Variants in FTO observed in about 807,000 individuals in gnomAD.
FTO encodes the protein FTO alpha-ketoglutarate dependent dioxygenase.
In FTO, 47 loss-of-function variants were observed where a neutral mutation model predicts 63.9. The observed-to-expected ratio is 0.74, with a 90% CI of 0.58 to 0.94. The LOEUF is 0.94. Ranked by LOEUF, FTO falls within the 40% of genes least tolerant of loss-of-function variation. FTO has a pLI of 0.00. For synonymous variants in FTO, 207 were observed against 224.4 expected (o/e 0.92, Z 0.69); for missense variants, 562 against 618.1 (o/e 0.91, Z 0.96).
intron 7 of FTO, among the ~76,000 whole-genome samples, chr16:53,899,936 C>T (rs562634709): frequency 6.6e-5 from 10 of 152,294 alleles, no homozygotes; most frequent in Admixed American, 2.0e-4. Flanking sequence ...TAGGTAAAGT[C>T]GGAAGATTGA....
chr16:53,951,204 C>G (rs1424877476), intron 8 of FTO, among the ~76,000 whole-genome samples: 1 of 151,972 alleles, frequency 6.6e-6, no homozygotes, highest in African/African-American at 2.4e-5. Flanking sequence ...CACTTTTTTT[C>G]TTTCACAAGG....
At chr16:53,934,163 T>A in intron 8 of FTO, 54 bp downstream of exon 8, 1 of 1,605,644 alleles carries the variant, frequency 6.2e-7, no homozygotes. Flanking sequence ...AGAACTATAT[T>A]TGGCCAAGCC....
intron 8 of FTO, among the ~76,000 whole-genome samples, chr16:53,984,581 A>G (rs1427750335): frequency 2.0e-5 from 3 of 151,916 alleles, no homozygotes; most frequent in African/African-American, 7.2e-5. Context: ...CCAACCTCCC[A>G]AAGTATTGGG....
At chr16:53,726,727 T>C (rs1328032118) in intron 1 of FTO, among the ~76,000 whole-genome samples, 1 of 152,238 alleles carries the variant, frequency 6.6e-6, no homozygotes, top group East Asian at 1.9e-4. Flanking sequence ...CAGCCACTCC[T>C]TGCTGCTTCA....
chr16:53,926,561 C>T (rs561313959), intron 7 of FTO, among the ~76,000 whole-genome samples: 5 of 152,238 alleles, frequency 3.3e-5, no homozygotes, highest in South Asian at 2.1e-4. Context: ...CAATGGAGTA[C>T]GACATGGTGG....
intron 7 of FTO, among the ~76,000 whole-genome samples, chr16:53,928,966 C>T (rs1200658232): frequency 6.6e-6 from 1 of 152,044 alleles, no homozygotes; most frequent in Non-Finnish European, 1.5e-5. Context: ...GCCTCAGCCT[C>T]CCGAGTAGCT....
intron 8 of FTO, among the ~76,000 whole-genome samples, chr16:54,081,511 A>G (rs1455357053): frequency 2.0e-5 from 3 of 152,148 alleles, no homozygotes; most frequent in Admixed American, 1.3e-4. Context: ...CCACTTATGC[A>G]CAGTGTATCT....
At chr16:54,019,838 G>A (rs1274998819) in intron 8 of FTO, among the ~76,000 whole-genome samples, 1 of 152,158 alleles carries the variant, frequency 6.6e-6, no homozygotes, top group Non-Finnish European at 1.5e-5. Flanking sequence ...CCACTGCACA[G>A]CGTAGCATTT....
chr16:53,898,741 G>A (rs1167945454), intron 7 of FTO, among the ~76,000 whole-genome samples: 1 of 152,184 alleles, frequency 6.6e-6, no homozygotes, highest in African/African-American at 2.4e-5. Flanking sequence ...GTACAGTGGT[G>A]TGATCATAGC....
chr16:54,052,653 T>A (rs2085338761), intron 8 of FTO: 1 of 152,220 alleles, frequency 6.6e-6, no homozygotes, highest in South Asian at 2.1e-4. Context: ...AGGCATGTGA[T>A]GCCCATCTAA....
At chr16:54,081,757 C>T (rs2144513187) in intron 8 of FTO, among the ~76,000 whole-genome samples, 1 of 152,218 alleles carries the variant, frequency 6.6e-6, no homozygotes, top group Middle Eastern at 3.4e-3. Flanking sequence ...TTCCTTCCTT[C>T]AGGAGAGGAT....
At chr16:54,005,483 A>G (rs1334318151) in intron 8 of FTO, among the ~76,000 whole-genome samples, 2 of 151,500 alleles carry the variant, frequency 1.3e-5, no homozygotes, top group African/African-American at 4.8e-5. Flanking sequence ...TAATGGCTAT[A>G]TAACATAGCT....
chr16:53,810,621 A>ATAAC (rs1179408224), intron 2 of FTO, among the ~76,000 whole-genome samples: 1 of 152,162 alleles, frequency 6.6e-6, no homozygotes, highest in East Asian at 1.9e-4. Context: ...CTCCCGGTAA[A>ATAAC]TAACTCTATA....
intron 4 of FTO, among the ~76,000 whole-genome samples, chr16:53,869,369 T>C (rs1405963740): frequency 1.3e-5 from 2 of 152,092 alleles, no homozygotes; most frequent in African/African-American, 4.8e-5. Flanking sequence ...TATGCCTAAG[T>C]GTAGGTTTTT....
At chr16:53,863,283 A>G (rs2080226189) in intron 4 of FTO, among the ~76,000 whole-genome samples, 2 of 152,176 alleles carry the variant, frequency 1.3e-5, no homozygotes, top group Admixed American at 1.3e-4. Context: ...GTAATTTTGC[A>G]TAGTTCTGGC....
intron 5 of FTO, among the ~76,000 whole-genome samples, chr16:53,874,266 C>T (rs2080585112): frequency 6.6e-6 from 1 of 152,108 alleles, no homozygotes; most frequent in Admixed American, 6.6e-5. Flanking sequence ...TTTCATTTCC[C>T]TTAACTTTTT....
intron 1 of FTO, among the ~76,000 whole-genome samples, chr16:53,742,164 T>C (rs1377160942): frequency 1.3e-5 from 2 of 152,078 alleles, no homozygotes; most frequent in Non-Finnish European, 2.9e-5. Flanking sequence ...AGGGGAGGAA[T>C]TCCAGGAGGG....
At chr16:54,054,047 T>A (rs1278073339) in intron 8 of FTO, among the ~76,000 whole-genome samples, 1 of 152,110 alleles carries the variant, frequency 6.6e-6, no homozygotes, top group Non-Finnish European at 1.5e-5. Context: ...TTCTGCAGTT[T>A]AGTTATTTGT....
At chr16:53,800,471 G>A (rs2078190840) in intron 1 of FTO, among the ~76,000 whole-genome samples, 1 of 152,106 alleles carries the variant, frequency 6.6e-6, no homozygotes, top group South Asian at 2.1e-4. Context: ...GTTGTTTGGT[G>A]GAGTGCTATC....
Sources: gnomAD v4.1 joint callset for allele counts (sites outside exome capture counted in the v4.1 genomes callset) on GRCh38, gnomAD v4.1.1 for gene constraint, MANE v1.5 for transcripts, NCBI Gene and HGNC (gene_info 2026-07-23, HGNC 2026-07-21) for gene names.